The following GPC5 variants were observed in gnomAD, a reference collection of about 807,000 sequenced individuals.
GPC5 encodes glypican-5.
A neutral mutation model predicts 53.9 loss-of-function variants in GPC5; 47 were observed. That is an observed-to-expected ratio of 0.87 (90% CI 0.69 to 1.11). The LOEUF (loss-of-function observed/expected upper bound fraction) is 1.11. Among genes scored for constraint, GPC5 ranks in the 50% most tolerant of loss-of-function variants. The pLI, the probability that GPC5 is intolerant of heterozygous loss-of-function variation, is 0.00. For synonymous variants in GPC5, 286 were observed against 263.3 expected (o/e 1.09, Z -0.84); for missense variants, 748 against 713.1 (o/e 1.05, Z -0.56).
intron 2 of GPC5, among the ~76,000 whole-genome samples, chr13:91,504,260 T>C (rs1370347882): frequency 6.6e-6 from 1 of 152,104 alleles, no homozygotes; most frequent in African/African-American, 2.4e-5. Context: ...GGGTACTGCT[T>C]ATGTGACTTT....
intron 7 of GPC5, among the ~76,000 whole-genome samples, chr13:92,841,164 T>C (rs138468894): frequency 8.5e-5 from 13 of 152,264 alleles, no homozygotes; most frequent in African/African-American, 3.1e-4. Flanking sequence ...TTGATCCATT[T>C]GGTTTGTGTG....
intron 7 of GPC5, among the ~76,000 whole-genome samples, chr13:92,843,512 T>A (rs1036683389): frequency 6.6e-6 from 1 of 152,122 alleles, no homozygotes; most frequent in African/African-American, 2.4e-5. Flanking sequence ...TCCAAAGGCA[T>A]CCACCATCCC....
In GPC5 at chr13:92,168,937, C is replaced by A. The variant is rs182516456; in HGVS notation, c.1561+23948C>A. On this transcript the variant is annotated intron_variant, in intron 7 of 7. Coordinates refer to ENST00000377067, the MANE Select transcript of GPC5 (RefSeq NM_004466.6). ...GCAAAGACATAGAATCAACCCACCC[C>A]AACAGTTATAGACCGGATAAAGAAA... 3.0e-3 allele frequency among the ~76,000 whole-genome samples: 451 copies of A among 152,214 alleles called. 5 individuals carry two copies. Among genetic ancestry groups the A allele is most frequent in the African/African-American group, 0.01 (430 of 41,552 alleles).
intron 7 of GPC5, among the ~76,000 whole-genome samples, chr13:92,781,350 C>A (rs1258048482): frequency 6.6e-6 from 1 of 151,634 alleles, no homozygotes; most frequent in Non-Finnish European, 1.5e-5. Context: ...ACTTTTTTTT[C>A]ATTTAAATAA....
intron 2 of GPC5, among the ~76,000 whole-genome samples, chr13:91,497,158 G>T (rs1414703): frequency 0.39 from 59,704 of 151,748 alleles, 12,004 homozygotes; most frequent in East Asian, 0.6. Context: ...TGTATGACCA[G>T]TTATAATTAT....
At chr13:92,581,334 G>C (rs1297075949) in intron 7 of GPC5, among the ~76,000 whole-genome samples, 1 of 151,962 alleles carries the variant, frequency 6.6e-6, no homozygotes, top group Non-Finnish European at 1.5e-5. Context: ...GTCTTTCTGT[G>C]CCTAGTTTAT....
chr13:92,339,201 T>C (rs991074187), intron 7 of GPC5, among the ~76,000 whole-genome samples: 3 of 151,340 alleles, frequency 2.0e-5, no homozygotes, highest in African/African-American at 7.3e-5. Context: ...ATACAATATA[T>C]ACATTATGCT....
chr13:92,350,238 A>G (rs1251892607), intron 7 of GPC5, among the ~76,000 whole-genome samples: 1 of 152,132 alleles, frequency 6.6e-6, no homozygotes, highest in African/African-American at 2.4e-5. Context: ...GTACCTGAAC[A>G]CATTTAAGGC....
chr13:91,538,426 C>T (rs1041267038), intron 2 of GPC5, among the ~76,000 whole-genome samples: 11 of 152,078 alleles, frequency 7.2e-5, no homozygotes, highest in Non-Finnish European at 1.6e-4. Flanking sequence ...ATCAAAATAT[C>T]GTAAAACTGC....
At chr13:92,462,713 C>A (rs1878538440) in intron 7 of GPC5, among the ~76,000 whole-genome samples, 3 of 136,546 alleles carry the variant, frequency 2.2e-5, no homozygotes, top group South Asian at 4.9e-4. Context: ...GTGTTTTGTT[C>A]ATGTCTTTTT....
chr13:91,693,950 G>A (rs1258296567), intron 3 of GPC5, 69 bp downstream of exon 3: 8 of 1,138,100 alleles, frequency 7.0e-6, no homozygotes, highest in African/African-American at 1.5e-5. Context: ...TATACTTTAG[G>A]AAATAGTAGG....
rs191326846 is a variant in GPC5, at chr13:92,037,213, G to A, written c.1402-107617G>A. Among the ~76,000 whole-genome samples the A allele has an allele frequency of 1.4e-3, 205 of 151,618 alleles. 3 individuals carry two copies. Among genetic ancestry groups the A allele is most frequent in the South Asian group, 9.1e-3 (44 of 4,810 alleles). On this transcript the variant is annotated intron_variant, in intron 6 of 7. Coordinates refer to ENST00000377067, the MANE Select transcript of GPC5 (RefSeq NM_004466.6). ...CACATGCTCATACACACACACACAC[G>A]TATGCGTGCACACACACCTTGCTTA...
At chr13:91,956,026 A>G (rs887168297) in intron 6 of GPC5, among the ~76,000 whole-genome samples, 9 of 152,004 alleles carry the variant, frequency 5.9e-5, no homozygotes, top group Admixed American at 3.3e-4. Flanking sequence ...CTGAAAGCCA[A>G]CCACCCTCCC....
At chr13:92,016,472 G>A (rs902412916) in intron 6 of GPC5, among the ~76,000 whole-genome samples, 1 of 152,080 alleles carries the variant, frequency 6.6e-6, no homozygotes, top group Non-Finnish European at 1.5e-5. Flanking sequence ...AGAATTTAGG[G>A]TGGATGACCT....
At chr13:92,693,016 C>G (rs1887458163) in intron 7 of GPC5, among the ~76,000 whole-genome samples, 3 of 151,912 alleles carry the variant, frequency 2.0e-5, no homozygotes, top group Non-Finnish European at 4.4e-5. Flanking sequence ...CTAATAATAT[C>G]TGATGGTTAA....
At chr13:92,435,019 A>G (rs1345291782) in intron 7 of GPC5, among the ~76,000 whole-genome samples, 1 of 152,180 alleles carries the variant, frequency 6.6e-6, no homozygotes, top group Non-Finnish European at 1.5e-5. Context: ...GGTTCAAGCG[A>G]TTCTTCTGTC....
intron 7 of GPC5, among the ~76,000 whole-genome samples, chr13:92,586,961 C>T (rs1309765744): frequency 8.9e-6 from 1 of 112,230 alleles, no homozygotes; most frequent in African/African-American, 5.2e-5. Context: ...CACACACACA[C>T]ACGCGCACAC....
chr13:91,665,505 C>CTTTTTTTTTTTTTTTTTTTT (rs371605806), intron 2 of GPC5, among the ~76,000 whole-genome samples: 7 of 146,126 alleles, frequency 4.8e-5, no homozygotes, highest in African/African-American at 7.8e-5. Flanking sequence ...AAAAGCCAGT[C>CTTTTTTTTTTTTTTTTTTTT]TTTTTTTTTT....
At chr13:92,436,974 T>A (rs1363803525) in intron 7 of GPC5, among the ~76,000 whole-genome samples, 2 of 152,108 alleles carry the variant, frequency 1.3e-5, no homozygotes, top group Non-Finnish European at 2.9e-5. Context: ...CATGACAAAA[T>A]ATAAAAAAGG....
Sources: allele counts gnomAD v4.1 joint callset (sites outside exome capture counted in the v4.1 genomes callset), GRCh38; gene constraint gnomAD v4.1.1; transcripts MANE v1.5; gene names NCBI Gene and HGNC (gene_info 2026-07-23, HGNC 2026-07-21).